The following CDH20 variants were observed in gnomAD, a reference collection of about 807,000 sequenced individuals.
CDH20 encodes cadherin-20.
CDH20 carries 29 observed loss-of-function variants against 74.2 expected under a neutral mutation model. That is an observed-to-expected ratio of 0.39 (90% CI 0.29 to 0.53). CDH20 has a LOEUF of 0.53. Among genes scored for constraint, CDH20 ranks in the 20% least tolerant of loss-of-function variants. CDH20 has a pLI of 0.69. For synonymous variants in CDH20, 469 were observed against 405.4 expected (o/e 1.16, Z -1.88); for missense variants, 988 against 1,048.3 (o/e 0.94, Z 0.79).
At chr18:61,495,154 T>C (rs117467299) in intron 2 of CDH20, among the ~76,000 whole-genome samples, 160 of 152,352 alleles carry the variant, frequency 1.1e-3, no homozygotes, top group Non-Finnish European at 1.9e-3. Context: ...GCTCGGAAGC[T>C]TCTTACCTTC....
intron 1 of CDH20, among the ~76,000 whole-genome samples, chr18:61,381,310 C>T (rs986176207): frequency 2.6e-5 from 4 of 152,180 alleles, no homozygotes; most frequent in African/African-American, 9.7e-5. Context: ...GTGAATTTCT[C>T]ATTTAATCTC....
At chr18:61,401,456 C>T (rs573043613) in intron 1 of CDH20, among the ~76,000 whole-genome samples, 108 of 151,984 alleles carry the variant, frequency 7.1e-4, no homozygotes, top group Non-Finnish European at 1.3e-3. Context: ...TGTGTGTTTA[C>T]ACACATATAT....
At chr18:61,423,570 ATTTC>A (rs1168439574) in intron 1 of CDH20, among the ~76,000 whole-genome samples, 1 of 151,888 alleles carries the variant, frequency 6.6e-6, no homozygotes, top group Non-Finnish European at 1.5e-5. Flanking sequence ...CTCTCTGGAA[ATTTC>A]TTTTTTTTTT....
intron 1 of CDH20, among the ~76,000 whole-genome samples, chr18:61,459,939 G>A (rs1043277954): frequency 3.3e-5 from 5 of 152,188 alleles, no homozygotes; most frequent in Admixed American, 1.3e-4. Flanking sequence ...TGGGGAAGGA[G>A]AGACAGGGAA....
intron 6 of CDH20, among the ~76,000 whole-genome samples, chr18:61,527,388 TAG>T (rs769772521): frequency 6.8e-6 from 1 of 146,908 alleles, no homozygotes; most frequent in East Asian, 2.0e-4. Context: ...GATAGATAGA[TAG>T]ATAGATAGAT....
chr18:61,342,692 T>C (rs1412176192), intron 1 of CDH20, among the ~76,000 whole-genome samples: 2 of 152,244 alleles, frequency 1.3e-5, no homozygotes, highest in Non-Finnish European at 2.9e-5. Context: ...GTACCCCTAG[T>C]TGAGAACCAC....
At chr18:61,547,095 G>A (rs540255887) in intron 10 of CDH20, among the ~76,000 whole-genome samples, 15 of 152,270 alleles carry the variant, frequency 9.9e-5, no homozygotes, top group East Asian at 5.8e-4. Flanking sequence ...TTGGGAGCCT[G>A]GGACAGGAGG....
Position 61,555,560 on chromosome 18 carries a change from GT to G in CDH20, c.*867del, listed in dbSNP as rs778910089. 1.8e-4 allele frequency: 178 copies of G among 985,350 alleles called. No individual in the cohort carries two copies. Among genetic ancestry groups the G allele is most frequent in the Admixed American group, 3.7e-4 (6 of 16,286 alleles). 61.0% of individuals were successfully genotyped at this position (985,350 alleles called of 1,614,324 possible). A position where few individuals can be genotyped will look rare whatever the true frequency, so the allele number is the denominator to read the frequency against. ...AAAGAAGTATCTGACAAAAGCATGG[GT>G]TAGAGGGCTTTCCTAATCTGTGTGA... is the stretch of plus-strand genomic sequence containing the variant. On this transcript the variant is annotated 3_prime_UTR_variant, in exon 12 of 12. Coordinates refer to ENST00000262717, the MANE Select transcript of CDH20 (RefSeq NM_031891.4).
intron 1 of CDH20, among the ~76,000 whole-genome samples, chr18:61,418,540 C>T (rs1375348348): frequency 2.6e-5 from 3 of 115,420 alleles, no homozygotes; most frequent in Admixed American, 1.3e-4. Flanking sequence ...GGCGACAGAG[C>T]GAGACTCTGT....
At chr18:61,503,167 G>T in intron 5 of CDH20, 47 bp downstream of exon 5, 9 of 1,432,060 alleles carry the variant, frequency 6.3e-6, no homozygotes, top group Non-Finnish European at 8.4e-6. Flanking sequence ...CCAGAGGGAC[G>T]CACCCGTTGC....
rs2144072035 is a variant in CDH20 at position 61,333,680 on chromosome 18, G to T, written c.-300G>T. 6.7e-6 allele frequency: 1 copy of T among 148,636 alleles called. No individual in the cohort carries two copies. Among genetic ancestry groups the T allele is most frequent in the Non-Finnish European group, 1.5e-5 (1 of 66,838 alleles). 9.2% of individuals were successfully genotyped at this position (148,636 alleles called of 1,614,324 possible). A position where few individuals can be genotyped will look rare whatever the true frequency, so the allele number is the denominator to read the frequency against. ...ACACTTCTGACAGAGGGGGTAGGGG[G>T]GTGGGGGGCGGGGACAGCGCCGCGA... On this transcript the variant is annotated 5_prime_UTR_variant, in exon 1 of 12. Coordinates refer to ENST00000262717, the MANE Select transcript of CDH20 (RefSeq NM_031891.4).
intron 1 of CDH20, among the ~76,000 whole-genome samples, chr18:61,334,750 C>T (rs1389274569): frequency 6.6e-6 from 1 of 152,094 alleles, no homozygotes; most frequent in African/African-American, 2.4e-5. Context: ...CTGCCGAGAC[C>T]AGGCTGGAAG....
chr18:61,538,608 GTTTTT>G (rs59283670), intron 8 of CDH20, among the ~76,000 whole-genome samples: 1,454 of 36,330 alleles, frequency 0.04, 219 homozygotes, highest in African/African-American at 0.095. Context: ...TTTTGTTTTT[GTTTTT>G]GTTTTTGTTT....
chr18:61,554,131 T>A (rs1056631019), intron 11 of CDH20, 59 bp from the exon 12 acceptor site: 14 of 1,558,364 alleles, frequency 9.0e-6, no homozygotes, highest in Non-Finnish European at 1.2e-5. Flanking sequence ...CTACTTCTAG[T>A]CACCGCACAC....
At chr18:61,531,944 C>T (rs1912659707) in intron 7 of CDH20, among the ~76,000 whole-genome samples, 1 of 152,214 alleles carries the variant, frequency 6.6e-6, no homozygotes, top group African/African-American at 2.4e-5. Flanking sequence ...AACCTCTTTC[C>T]CTATAAATAC....
chr18:61,400,607 T>A (rs1912124893), intron 1 of CDH20, among the ~76,000 whole-genome samples: 1 of 152,160 alleles, frequency 6.6e-6, no homozygotes, highest in Admixed American at 6.5e-5. Context: ...ACCTCTACCC[T>A]CCTCTCGTTC....
intron 6 of CDH20, among the ~76,000 whole-genome samples, chr18:61,516,464 A>T (rs1285463873): frequency 6.6e-6 from 1 of 152,146 alleles, no homozygotes; most frequent in Admixed American, 6.5e-5. Context: ...CAAAGAAGGG[A>T]ATACTTAATC....
intron 2 of CDH20, among the ~76,000 whole-genome samples, chr18:61,496,617 T>G (rs1164570331): frequency 6.6e-6 from 1 of 152,098 alleles, no homozygotes; most frequent in African/African-American, 2.4e-5. Flanking sequence ...TCGCTGTCGT[T>G]TCTTAAAGCG....
At position 61,467,547 on chromosome 18, in the gene CDH20, G is replaced by C. The variant is rs375016030; in HGVS notation, c.-152-22855G>C. On this transcript the variant is annotated intron_variant, in intron 1 of 11. Coordinates refer to ENST00000262717, the MANE Select transcript of CDH20 (RefSeq NM_031891.4). ...ATAACTACCATGAAATCCCAAGTTA[G>C]AAAAATTCACTCCCTCCCTCCAAAA... Among the ~76,000 whole-genome samples the C allele has an allele frequency of 1.3e-3, 203 of 152,226 alleles. 1 individual carries two copies. Among genetic ancestry groups the C allele is most frequent in the African/African-American group, 4.6e-3 (193 of 41,536 alleles).
Sources: gnomAD v4.1 joint callset for allele counts (sites outside exome capture counted in the v4.1 genomes callset) on GRCh38, gnomAD v4.1.1 for gene constraint, MANE v1.5 for transcripts, NCBI Gene and HGNC (gene_info 2026-07-23, HGNC 2026-07-21) for gene names.